Variants in PGAP1 observed in about 807,000 individuals in gnomAD.
PGAP1 encodes the protein post-GPI attachment to proteins inositol deacylase 1, also known as GPI inositol-deacylase.
A neutral mutation model predicts 127.0 loss-of-function variants in PGAP1; 76 were observed. That is an observed-to-expected ratio of 0.60 (90% CI 0.50 to 0.72). The LOEUF (loss-of-function observed/expected upper bound fraction) is 0.72, where lower values mean the gene tolerates loss of function less well. Among genes scored for constraint, PGAP1 ranks in the 30% least tolerant of loss-of-function variants. PGAP1 has a pLI of 0.00. For missense variants in PGAP1, 982 were observed against 1,071.3 expected (o/e 0.92, Z 1.16); for synonymous variants, 362 against 366.5 (o/e 0.99, Z 0.14).
intron 20 of PGAP1, among the ~76,000 whole-genome samples, chr2:196,863,957 A>G (rs1053223433): frequency 1.3e-5 from 2 of 152,212 alleles, no homozygotes; most frequent in African/African-American, 4.8e-5. Flanking sequence ...AAGAAATGGT[A>G]AGTGCTTGAG....
chr2:196,926,135 A>AG (rs1418061602), intron 1 of PGAP1, among the ~76,000 whole-genome samples: 1 of 151,956 alleles, frequency 6.6e-6, no homozygotes, highest in Non-Finnish European at 1.5e-5. Flanking sequence ...TCTGGGCATG[A>AG]GGGGGGCTGG....
chr2:196,924,593 G>A (rs932613219), intron 1 of PGAP1, among the ~76,000 whole-genome samples: 5 of 152,054 alleles, frequency 3.3e-5, no homozygotes, highest in African/African-American at 1.2e-4. Flanking sequence ...ATAAAAACCT[G>A]CTAAAAATCA....
At chr2:196,860,365 C>G (rs905470457) in intron 20 of PGAP1, among the ~76,000 whole-genome samples, 4 of 152,036 alleles carry the variant, frequency 2.6e-5, no homozygotes, top group African/African-American at 9.7e-5. Flanking sequence ...AACCCCATCT[C>G]TACTAGAAAT....
At chr2:196,871,125 A>T (rs1701396621) in intron 18 of PGAP1, 146 bp from the exon 19 acceptor site, 1 of 579,858 alleles carries the variant, frequency 1.7e-6, no homozygotes, top group African/African-American at 1.9e-5. Context: ...GATCTTAAAG[A>T]ATCTTTTGAA....
chr2:196,926,189 G>A (rs1471463056), intron 1 of PGAP1, among the ~76,000 whole-genome samples: 2 of 152,056 alleles, frequency 1.3e-5, no homozygotes, highest in Admixed American at 1.3e-4. Context: ...TTGGGGCTGG[G>A]GAGGAGGCGG....
intron 7 of PGAP1, 22 bp from the exon 8 acceptor site, chr2:196,893,267 T>A: frequency 1.6e-6 from 2 of 1,256,430 alleles, no homozygotes; most frequent in Non-Finnish European, 2.3e-6. Flanking sequence ...ATTGATACAT[T>A]CTGTATCATT....
intron 12 of PGAP1, among the ~76,000 whole-genome samples, chr2:196,882,299 T>C (rs1701759481): frequency 6.6e-6 from 1 of 152,200 alleles, no homozygotes; most frequent in African/African-American, 2.4e-5. Flanking sequence ...TCCAGCTTTG[T>C]TCTTTTTGCT....
intron 4 of PGAP1, 80 bp downstream of exon 4, chr2:196,912,802 C>G: frequency 1.5e-6 from 2 of 1,355,404 alleles, no homozygotes; most frequent in Non-Finnish European, 2.0e-6. Context: ...TAGCATACTC[C>G]TAGGGGAATA....
At chr2:196,922,937 G>A (rs567792879) in intron 1 of PGAP1, among the ~76,000 whole-genome samples, 3 of 151,758 alleles carry the variant, frequency 2.0e-5, no homozygotes, top group East Asian at 3.9e-4. Context: ...TGATCTGCCC[G>A]CCTTGGCCTC....
At chr2:196,921,190 A>T (rs1703183398) in intron 1 of PGAP1, among the ~76,000 whole-genome samples, 1 of 23,758 alleles carries the variant, frequency 4.2e-5, no homozygotes, top group South Asian at 1.8e-3. Flanking sequence ...CGTTGTTCTA[A>T]AAAAAAAAAA....
intron 20 of PGAP1, among the ~76,000 whole-genome samples, chr2:196,854,126 G>T (rs1049916972): frequency 6.6e-6 from 1 of 151,730 alleles, no homozygotes; most frequent in Non-Finnish European, 1.5e-5. Flanking sequence ...TGAATTCCTA[G>T]GCTCAAGTGA....
chr2:196,853,773 CCATA>C (rs1213681462), intron 20 of PGAP1, among the ~76,000 whole-genome samples: 2 of 152,094 alleles, frequency 1.3e-5, no homozygotes, highest in African/African-American at 4.8e-5. Flanking sequence ...ATTTTTACAT[CCATA>C]CAACTTTCTG....
chr2:196,864,650 T>C (rs778104188), intron 20 of PGAP1, among the ~76,000 whole-genome samples: 4 of 152,098 alleles, frequency 2.6e-5, no homozygotes, highest in Non-Finnish European at 4.4e-5. Context: ...TGTTAATAAT[T>C]TGCAGGTCTT....
intron 12 of PGAP1, among the ~76,000 whole-genome samples, chr2:196,880,746 T>C (rs1701703900): frequency 6.6e-6 from 1 of 152,204 alleles, no homozygotes; most frequent in South Asian, 2.1e-4. Context: ...TAATTATTTA[T>C]TTCTCAAAAT....
intron 19 of PGAP1, among the ~76,000 whole-genome samples, chr2:196,867,960 A>G (rs1010593156): frequency 8.5e-5 from 13 of 152,222 alleles, no homozygotes; most frequent in African/African-American, 3.1e-4. Context: ...ACCTAATACC[A>G]AATCATACAT....
At chr2:196,885,622 T>C (rs752627182) in intron 11 of PGAP1, 147 bp from the exon 12 acceptor site, 25 of 637,622 alleles carry the variant, frequency 3.9e-5, no homozygotes, top group Non-Finnish European at 5.9e-5. Context: ...GTCCACATAT[T>C]TCCCTTAGCA....
At chr2:196,883,123 T>C (rs1701784023) in intron 12 of PGAP1, among the ~76,000 whole-genome samples, 1 of 152,260 alleles carries the variant, frequency 6.6e-6, no homozygotes, top group South Asian at 2.1e-4. Flanking sequence ...ATGTGGCTTT[T>C]GTCTTTAGTT....
intron 24 of PGAP1, 128 bp downstream of exon 24, chr2:196,844,396 C>T (rs940000192): frequency 2.1e-4 from 123 of 598,864 alleles, no homozygotes; most frequent in Middle Eastern, 4.5e-4. Context: ...ATTAGGTTCA[C>T]TTTACTTAAA....
At chr2:196,896,275 C>G (rs766829246) in intron 7 of PGAP1, among the ~76,000 whole-genome samples, 55 of 152,100 alleles carry the variant, frequency 3.6e-4, no homozygotes, top group Non-Finnish European at 6.8e-4. Flanking sequence ...AATTTAAGTT[C>G]TGGTGAGCTT....
Sources: gnomAD v4.1 joint callset for allele counts (sites outside exome capture counted in the v4.1 genomes callset) on GRCh38, gnomAD v4.1.1 for gene constraint, MANE v1.5 for transcripts, NCBI Gene and HGNC (gene_info 2026-07-23, HGNC 2026-07-21) for gene names.